COL12A1: variants seen among roughly 807,000 people sequenced by gnomAD.
COL12A1 encodes collagen type XII alpha 1 chain.
In COL12A1, 114 loss-of-function variants were observed where a neutral mutation model predicts 349.7. The ratio of observed to expected loss-of-function variants is 0.33; its 90% CI spans 0.28 to 0.38. The LOEUF (loss-of-function observed/expected upper bound fraction) is 0.38. Ranked by LOEUF, COL12A1 falls within the 10% of genes least tolerant of loss-of-function variation. The probability of loss-of-function intolerance (pLI) is 1.00; values close to 1 mark genes in which losing one functional copy is unlikely to be tolerated. For synonymous variants in COL12A1, 1,369 were observed against 1,329.0 expected (o/e 1.03, Z -0.66); for missense variants, 3,284 against 3,756.9 (o/e 0.87, Z 3.29).
At chr6:75,176,304 TGGGAGAGTGATGCAGTGGGAGGA>T (rs1307308347) in intron 12 of COL12A1, among the ~76,000 whole-genome samples, 15 of 97,470 alleles carry the variant, frequency 1.5e-4, no homozygotes, top group South Asian at 6.8e-4. Context: ...CAGTGTGAGG[TGGGAGAGTGATGCAGTGGGAGGA>T]GGGAGAGTGA....
chr6:75,159,939 C>T (rs1019342227), intron 14 of COL12A1, among the ~76,000 whole-genome samples: 7 of 151,892 alleles, frequency 4.6e-5, no homozygotes, highest in African/African-American at 1.5e-4. Flanking sequence ...CCTTGATATA[C>T]TTTAACAACC....
At position 75,109,207 on chromosome 6, in the gene COL12A1, T is replaced by TA. The variant is rs769507940; in HGVS notation, c.7951-41dup. ...TGTTTCCATTATAAAATTTCTACAC[T>TA]AAAAAAATTAGCTGACTCTGCATAG... On this transcript the variant is annotated intron_variant, in intron 51 of 65. Coordinates refer to ENST00000322507, the MANE Select transcript of COL12A1 (RefSeq NM_004370.6). 8 of 1,427,994 alleles carry TA rather than the reference T, an allele frequency of 5.6e-6. No homozygotes were observed. In the Middle Eastern group the frequency reaches 7.5e-4, roughly 133 times the overall value. 88.5% of individuals were successfully genotyped at this position (1,427,994 alleles called of 1,614,324 possible). A position where few individuals can be genotyped will look rare whatever the true frequency, so the allele number is the denominator to read the frequency against.
At chr6:75,142,222 T>C (rs1006716479) in intron 26 of COL12A1, 61 bp from the exon 27 acceptor site, 21 of 1,575,802 alleles carry the variant, frequency 1.3e-5, no homozygotes, top group African/African-American at 9.4e-5. Flanking sequence ...GACATCTCTC[T>C]GTTGTTTACT....
intron 43 of COL12A1, 38 bp downstream of exon 43, chr6:75,123,292 C>A: frequency 2.6e-6 from 4 of 1,529,868 alleles, no homozygotes; most frequent in Non-Finnish European, 3.6e-6. Flanking sequence ...CTGTAACTCC[C>A]TATCAGCTGA....
intron 54 of COL12A1, 28 bp downstream of exon 54, chr6:75,105,178 A>T: frequency 6.3e-7 from 1 of 1,579,726 alleles, no homozygotes. Flanking sequence ...CAAAGGAAAA[A>T]CCAGAGGATC....
chr6:75,153,790 T>A (rs1358363566), intron 17 of COL12A1, among the ~76,000 whole-genome samples: 1 of 152,146 alleles, frequency 6.6e-6, no homozygotes, highest in Non-Finnish European at 1.5e-5. Flanking sequence ...TCATAAAGGC[T>A]GTAATTGTGG....
chr6:75,189,297 A>G lies in COL12A1; in HGVS notation c.743T>C (p.Ile248Thr), dbSNP rs199673248. ...RVGFPKVAII[I>T]TDGKSQDEVE... ...TTCATCCTGGGATTTTCCATCCGTA[A>G]TAATAATTGCCACTTTAGGAAAGCC... The change falls in exon 7 of 66, where the codon ATT becomes ACT. Residue 248 changes from isoleucine (I) to threonine (T), a missense_variant. Ile to Thr is a moderately conservative substitution (Grantham distance 89, BLOSUM62 -1). Transcript: ENST00000322507. The G allele has an allele frequency of 2.0e-4, 322 of 1,613,180 alleles. 1 individual carries two copies. In the African/African-American group the frequency reaches 3.9e-3, roughly 20 times the overall value.
intron 10 of COL12A1, among the ~76,000 whole-genome samples, chr6:75,182,272 A>G (rs2149464134): frequency 6.6e-6 from 1 of 151,794 alleles, no homozygotes; most frequent in Admixed American, 6.6e-5. Flanking sequence ...CAGTTTTGTT[A>G]CATAGGTGTA....
At position 75,143,336 on chromosome 6, in the gene COL12A1, A is replaced by G; in HGVS notation, c.4743T>C (p.Thr1581=). Residue 1581 remains threonine (T), a synonymous_variant, in exon 26 of 66, where the codon ACT becomes ACC. Coordinates refer to ENST00000322507, the MANE Select transcript of COL12A1 (RefSeq NM_004370.6). The part of the protein sequence containing the change: ...DLKLRDVTHS[T]MNVFWEPVPG... ...GCACAGGTTCCCAAAAGACATTCAT[A>G]GTGCTGTGAGTCACATCTCTGAGTT... 1 of 1,613,930 alleles carries G rather than the reference A, an allele frequency of 6.2e-7. No homozygotes were observed. The highest frequency in any genetic ancestry group is 1.3e-5 in the African/African-American group (1 of 75,050).
chr6:75,140,176 A>G (rs1274985715), intron 27 of COL12A1, among the ~76,000 whole-genome samples: 7 of 152,186 alleles, frequency 4.6e-5, no homozygotes, highest in Non-Finnish European at 8.8e-5. Flanking sequence ...TCTGTTCACT[A>G]CACCTGTTAC....
At position 75,133,363 on chromosome 6, in the gene COL12A1, T is replaced by C. The variant is rs369481796; in HGVS notation, c.5724A>G (p.Ser1908=). 6.2e-7 allele frequency: 1 copy of C among 1,613,272 alleles called. No homozygotes were observed. Among genetic ancestry groups the C allele is most frequent in the African/African-American group, 1.3e-5 (1 of 74,900 alleles). The change falls in exon 34 of 66, where the codon TCA becomes TCG. Residue 1908 remains serine (S), a synonymous_variant. Transcript: ENST00000322507. ...AILRNLQPDT[S]YTVTVVPVYT... is the part of the protein sequence containing the mutation. Reference sequence around the variant, plus strand: ...AAACGGGAACTACAGTCACAGTGTATGAGGTATCTGGCTGCAGATTCCTAA... The same window carrying C: ...AAACGGGAACTACAGTCACAGTGTACGAGGTATCTGGCTGCAGATTCCTAA...
chr6:75,113,852 G>T, intron 49 of COL12A1, 108 bp from the exon 50 acceptor site: 1 of 864,062 alleles, frequency 1.2e-6, no homozygotes, highest in Non-Finnish European at 1.7e-6. Context: ...TTAAATCTTT[G>T]CACCAGAATC....
intron 36 of COL12A1, 53 bp from the exon 37 acceptor site, chr6:75,130,286 A>C: frequency 6.3e-7 from 1 of 1,579,096 alleles, no homozygotes; most frequent in Non-Finnish European, 8.6e-7. Context: ...GCATTACCTA[A>C]GTCAGATTAA....
chr6:75,117,730 G>T (rs1769158410), intron 46 of COL12A1, 184 bp from the exon 47 acceptor site: 2 of 543,902 alleles, frequency 3.7e-6, no homozygotes, highest in Non-Finnish European at 6.3e-6. Context: ...CTATTTTCTG[G>T]TCTAAAGAAT....
At chr6:75,150,212 A>G (rs892571594) in intron 21 of COL12A1, among the ~76,000 whole-genome samples, 6 of 152,192 alleles carry the variant, frequency 3.9e-5, no homozygotes, top group Admixed American at 6.5e-5. Flanking sequence ...ACATAATAAG[A>G]GCCATAATTT....
At chr6:75,113,418 A>T in intron 50 of COL12A1, 105 bp from the exon 51 acceptor site, 1 of 979,230 alleles carries the variant, frequency 1.0e-6, no homozygotes. Flanking sequence ...AAAATATAAT[A>T]ATTTCAGTTA....
rs908617647 is a variant in COL12A1 at position 75,086,335 on chromosome 6, G to C, written c.*212C>G. 1.3e-5 allele frequency: 4 copies of C among 319,880 alleles called. No individual in the cohort carries two copies. The highest frequency in any genetic ancestry group is 2.4e-5 in the Non-Finnish European group (4 of 163,944). The allele number at this position is 319,880 out of a possible 1,614,324, so 19.8% of individuals were successfully genotyped here. A position where few individuals can be genotyped will look rare whatever the true frequency, so the allele number is the denominator to read the frequency against. On this transcript the variant is annotated 3_prime_UTR_variant, in exon 66 of 66. Coordinates refer to ENST00000322507, the MANE Select transcript of COL12A1 (RefSeq NM_004370.6). ...TCTACATTATTACTGAAATGCATCA[G>C]GATTATAAACTGACACCACTGCTTT...
At chr6:75,193,294 T>TA (rs1472441911) in intron 3 of COL12A1, among the ~76,000 whole-genome samples, 1 of 152,126 alleles carries the variant, frequency 6.6e-6, no homozygotes, top group East Asian at 1.9e-4. Flanking sequence ...TGATTTGGAA[T>TA]GAATATGTTA....
intron 58 of COL12A1, among the ~76,000 whole-genome samples, chr6:75,097,886 C>T (rs1008362072): frequency 1.2e-4 from 18 of 152,128 alleles, no homozygotes; most frequent in African/African-American, 4.1e-4. Context: ...ATCATATCAG[C>T]ACCCTTTAGC....
Sources: allele counts gnomAD v4.1 joint callset (sites outside exome capture counted in the v4.1 genomes callset), GRCh38; gene constraint gnomAD v4.1.1; transcripts MANE v1.5; gene names NCBI Gene and HGNC (gene_info 2026-07-23, HGNC 2026-07-21).